The following KRT8 variants were observed in gnomAD, a reference collection of about 807,000 sequenced individuals.
KRT8 encodes keratin, type II cytoskeletal 8.
KRT8 carries 24 observed loss-of-function variants against 43.0 expected under a neutral mutation model. That is an observed-to-expected ratio of 0.56 (90% CI 0.40 to 0.78). The LOEUF is 0.78. Among genes scored for constraint, KRT8 ranks in the 30% least tolerant of loss-of-function variants. The pLI, the probability that KRT8 is intolerant of heterozygous loss-of-function variation, is 0.00. For missense variants in KRT8, 492 were observed against 638.4 expected (o/e 0.77, Z 2.47); for synonymous variants, 214 against 261.2 (o/e 0.82, Z 1.74).
intron 2 of KRT8, among the ~76,000 whole-genome samples, chr12:52,941,519 A>G (rs187758306): frequency 0.089 from 8,529 of 96,166 alleles, 1,223 homozygotes; most frequent in African/African-American, 0.32. Context: ...ACAGTGTTTC[A>G]CTCTTGTTAC....
chr12:52,941,779 T>C (rs11170341), intron 2 of KRT8, among the ~76,000 whole-genome samples: 49,474 of 151,810 alleles, frequency 0.33, 11,268 homozygotes, highest in African/African-American at 0.66. Flanking sequence ...TGAGCCACCG[T>C]GCCTGGCTTT....
At chr12:52,911,013 T>C (rs752446498), upstream of KRT8, among the ~76,000 whole-genome samples, 5 of 151,608 alleles carry the variant, frequency 3.3e-5, no homozygotes, top group African/African-American at 7.3e-5. Flanking sequence ...GAGGTAGGAG[T>C]CTCCTTTGAC....
rs756215976 is a variant in KRT8, at chr12:52,897,341, T to C, written c.*87A>G. The C allele has an allele frequency of 2.3e-5, 29 of 1,258,694 alleles. No individual in the cohort carries two copies. In the South Asian group the frequency reaches 3.3e-4, roughly 15 times the overall value. 78.0% of individuals were successfully genotyped at this position (1,258,694 alleles called of 1,614,324 possible). ...GGCTGAGCCTCAGGTGGGTCTCCTG[T>C]TCCCAGTGCTACCCTGCATAGCGGC... On this transcript the variant is annotated 3_prime_UTR_variant, in exon 8 of 8. Coordinates refer to ENST00000692008, the Ensembl canonical transcript of KRT8.
chr12:52,935,084 G>T (rs1224560890), intron 2 of KRT8, among the ~76,000 whole-genome samples: 1 of 124,224 alleles, frequency 8.0e-6, no homozygotes, highest in Non-Finnish European at 1.7e-5. Context: ...CATCTCAAAA[G>T]AAAAAAAAAA....
At chr12:52,925,886 C>G (rs991083441) in intron 2 of KRT8, among the ~76,000 whole-genome samples, 13 of 152,132 alleles carry the variant, frequency 8.5e-5, no homozygotes, top group Non-Finnish European at 1.8e-4. Context: ...GTTTCTCTCC[C>G]CCTCAGGGCC....
Position 52,904,640 on chromosome 12 carries a change from C to T in KRT8, c.324+18G>A, listed in dbSNP as rs1175306005. Reference sequence around the variant, plus strand: ...AAGGGGCTGCGGGCACAGTCAGCCACGCAGGGGGGACCCTCACCTTGTCTA... The same window carrying T: ...AAGGGGCTGCGGGCACAGTCAGCCATGCAGGGGGGACCCTCACCTTGTCTA... On this transcript the variant is annotated intron_variant, in intron 1 of 7. Coordinates refer to ENST00000692008, the Ensembl canonical transcript of KRT8. The T allele has an allele frequency of 3.1e-6, 5 of 1,610,672 alleles. No homozygotes were observed. Among genetic ancestry groups the T allele is most frequent in the Middle Eastern group, 2.1e-4 (1 of 4,726 alleles).
At chr12:52,898,982 CCCA>C in intron 5 of KRT8, 83 bp from the exon 6 acceptor site, 2 of 1,184,204 alleles carry the variant, frequency 1.7e-6, no homozygotes, top group Admixed American at 1.9e-5. Flanking sequence ...CAGGGTCCTC[CCCA>C]CCACCACCTA....
chr12:52,902,625 T>C (rs945487425), intron 1 of KRT8, among the ~76,000 whole-genome samples: 7 of 152,036 alleles, frequency 4.6e-5, no homozygotes, highest in Non-Finnish European at 1.0e-4. Flanking sequence ...CCTGACCTTG[T>C]GATTGGCCCG....
At chr12:52,918,105 A>G (rs796251541) in intron 2 of KRT8, among the ~76,000 whole-genome samples, 1,525 of 144,756 alleles carry the variant, frequency 0.011, 92 homozygotes, top group African/African-American at 0.036. Context: ...AAGAGGAAGA[A>G]GAAGAAGAAG....
At chr12:52,901,982 T>C (rs930975320) in exon 2 of KRT8, 4 of 1,605,768 alleles carry the variant, frequency 2.5e-6, no homozygotes, top group Non-Finnish European at 3.4e-6. Context: ...CTCTCGAACA[T>C]GTTGTCCATG....
chr12:52,925,068 T>C (rs1028737547), intron 2 of KRT8, among the ~76,000 whole-genome samples: 3 of 152,076 alleles, frequency 2.0e-5, no homozygotes, highest in Admixed American at 1.3e-4. Flanking sequence ...AAAGATGTTG[T>C]ATAGACCTCA....
intron 2 of KRT8, among the ~76,000 whole-genome samples, chr12:52,921,081 T>C (rs1941877236): frequency 6.6e-6 from 1 of 152,150 alleles, no homozygotes; most frequent in Non-Finnish European, 1.5e-5. Context: ...TTGACCTGGA[T>C]GGTGGGAATG....
exon 1 of KRT8, chr12:52,949,850 G>A (rs770120044): frequency 2.9e-6 from 2 of 700,382 alleles, no homozygotes; most frequent in Non-Finnish European, 5.2e-6. Context: ...CATGGAGGGA[G>A]GTAAGGAAAG....
chr12:52,918,153 AGGG>A (rs1941792040), intron 2 of KRT8, among the ~76,000 whole-genome samples: 1 of 135,880 alleles, frequency 7.4e-6, no homozygotes, highest in Non-Finnish European at 1.6e-5. Flanking sequence ...GAGAGGGAGA[AGGG>A]GAAGAAGAAG....
At chr12:52,949,758 A>C (rs1347167793) in exon 1 of KRT8, 2 of 728,388 alleles carry the variant, frequency 2.7e-6, no homozygotes, top group Non-Finnish European at 5.0e-6. Flanking sequence ...CCCTAAGAGC[A>C]GCAGCTAGGC....
At chr12:52,903,490 A>T (rs561519753) in intron 1 of KRT8, 1 of 152,174 alleles carries the variant, frequency 6.6e-6, no homozygotes, top group East Asian at 1.9e-4. Context: ...CTCCCGGCTT[A>T]CTCTGCCCCA....
chr12:52,938,159 TATATATA>T (rs1264909358), intron 2 of KRT8, among the ~76,000 whole-genome samples: 1 of 40,418 alleles, frequency 2.5e-5, no homozygotes, highest in Non-Finnish European at 4.5e-5. Flanking sequence ...TATATATATA[TATATATA>T]TATATTTTTT....
intron 2 of KRT8, among the ~76,000 whole-genome samples, chr12:52,935,415 G>A (rs1240461032): frequency 9.9e-4 from 116 of 116,782 alleles, no homozygotes; most frequent in African/African-American, 4.4e-3. Context: ...AAAAAAGGCC[G>A]GGCACAGTGG....
Position 52,898,780 on chromosome 12 carries a change from C to A in KRT8, c.1101G>T (p.Met367Ile). The A allele has an allele frequency of 1.9e-6, 3 of 1,614,260 alleles. No individual in the cohort carries two copies. Among genetic ancestry groups the A allele is most frequent in the African/African-American group, 2.7e-5 (2 of 75,082 alleles). The change falls in exon 6 of 8, where the codon ATG (methionine) becomes ATT (isoleucine). Residue 367 changes from methionine to isoleucine, a missense_variant. Physicochemically the swap from Met to Ile is conservative, Grantham distance 10. Coordinates refer to ENST00000692008, the Ensembl canonical transcript of KRT8. ...CCTGGTACTCACGCAGCTGCCGCGC[C>A]ATGTCCTGCTTGGCCCGCTGCAGGG...
Sources: allele counts gnomAD v4.1 joint callset (sites outside exome capture counted in the v4.1 genomes callset), GRCh38; gene constraint gnomAD v4.1.1; transcripts MANE v1.5; gene names NCBI Gene and HGNC (gene_info 2026-07-23, HGNC 2026-07-21).